Variants in PDGFRL observed in about 807,000 individuals in gnomAD.
PDGFRL encodes the protein platelet-derived growth factor receptor-like protein.
A neutral mutation model predicts 37.2 loss-of-function variants in PDGFRL; 46 were observed. That is an observed-to-expected ratio of 1.24 (90% CI 0.98 to 1.58). The LOEUF is 1.58. Among genes scored for constraint, PDGFRL ranks in the 40% most tolerant of loss-of-function variants. The pLI is 0.00. For missense variants in PDGFRL, 692 were observed against 467.6 expected, an observed-to-expected ratio of 1.48 and a Z score of -4.43; for synonymous variants, 251 against 184.3, an observed-to-expected ratio of 1.36 and a Z score of -2.93.
chr8:17,629,899 T>A (rs781237614), intron 4 of PDGFRL, among the ~76,000 whole-genome samples: 1 of 152,234 alleles, frequency 6.6e-6, no homozygotes, highest in South Asian at 2.1e-4. Context: ...CTTGAGGGCT[T>A]TCTGCCCTCC....
At position 17,642,509 on chromosome 8, in the gene PDGFRL, G is replaced by A. The variant is rs1002026924; in HGVS notation, c.940-104G>A. ...ATACTAAACAGTCTTTTATAAGCAT[G>A]TGCTTTGCTCTCTGAAAGGAACGCT... On this transcript the variant is annotated intron_variant, in intron 5 of 5. Coordinates refer to ENST00000251630, the MANE Select transcript of PDGFRL (RefSeq NM_001372073.1). The A allele has an allele frequency of 7.0e-6, 5 of 712,922 alleles. No homozygotes were observed. The Admixed American group carries it at 1.2e-4, about 18-fold the overall frequency. 44.2% of individuals were successfully genotyped at this position (712,922 alleles called of 1,614,324 possible).
At position 17,642,661 on chromosome 8, in the gene PDGFRL, G is replaced by A; in HGVS notation, c.988G>A (p.Gly330Arg). 1 of 1,609,282 alleles carries A rather than the reference G, an allele frequency of 6.2e-7. No individual in the cohort carries two copies. Among genetic ancestry groups the A allele is most frequent in the Middle Eastern group, 1.7e-4 (1 of 6,056 alleles). ...AGACACTTGGAGGTTGATCCACAGA[G>A]GACTGGGACACACCACGAGAATCTC... ...IQDTWRLIHR[G>R]LGHTTRISQS... is the part of the protein sequence containing the mutation. The change falls in exon 6 of 6, where the codon GGA becomes AGA. Residue 330 changes from glycine to arginine, a missense_variant. Gly to Arg is a moderately radical substitution (Grantham distance 125). Transcript: ENST00000251630.
At chr8:17,621,007 G>C in intron 2 of PDGFRL, 44 bp from the exon 3 acceptor site, 1 of 1,518,578 alleles carries the variant, frequency 6.6e-7, no homozygotes, top group South Asian at 1.3e-5. Flanking sequence ...GAGGGCCCCA[G>C]CCAGGTCTGA....
chr8:17,580,805 G>A (rs1038414854), intron 1 of PDGFRL, among the ~76,000 whole-genome samples: 3 of 152,054 alleles, frequency 2.0e-5, no homozygotes, highest in Non-Finnish European at 2.9e-5. Flanking sequence ...TCTAAGATGC[G>A]GGTAGAATCC....
intron 2 of PDGFRL, among the ~76,000 whole-genome samples, chr8:17,601,546 G>C (rs1443043577): frequency 6.6e-6 from 1 of 152,016 alleles, no homozygotes; most frequent in Admixed American, 6.6e-5. Context: ...CGAGGGTTTG[G>C]TGTAGATTAT....
intron 1 of PDGFRL, among the ~76,000 whole-genome samples, chr8:17,583,854 G>A (rs972438160): frequency 6.6e-6 from 1 of 152,132 alleles, no homozygotes; most frequent in African/African-American, 2.4e-5. Context: ...TCCTTCACCT[G>A]TGCCACCAGT....
chr8:17,625,079 T>A (rs1430936716), intron 3 of PDGFRL, among the ~76,000 whole-genome samples: 2 of 151,928 alleles, frequency 1.3e-5, no homozygotes, highest in Non-Finnish European at 2.9e-5. Flanking sequence ...CATGCTGGTG[T>A]GCTGCACCCA....
At chr8:17,624,577 G>C (rs1452911131) in intron 3 of PDGFRL, among the ~76,000 whole-genome samples, 5 of 152,138 alleles carry the variant, frequency 3.3e-5, no homozygotes, top group African/African-American at 1.2e-4. Flanking sequence ...AAAAGGCTGA[G>C]GCTCTAATTT....
intron 2 of PDGFRL, among the ~76,000 whole-genome samples, chr8:17,606,350 C>T (rs1430814776): frequency 3.9e-5 from 6 of 152,064 alleles, no homozygotes; most frequent in African/African-American, 1.2e-4. Flanking sequence ...ATTTTATTTT[C>T]TGAGCAGAAC....
At chr8:17,594,978 T>A (rs1423931170) in intron 2 of PDGFRL, among the ~76,000 whole-genome samples, 2 of 147,842 alleles carry the variant, frequency 1.4e-5, no homozygotes, top group African/African-American at 2.5e-5. Flanking sequence ...TTTGGATGTA[T>A]ACCCGCAAGT....
intron 3 of PDGFRL, among the ~76,000 whole-genome samples, chr8:17,625,473 T>C (rs2129785424): frequency 6.6e-6 from 1 of 150,512 alleles, no homozygotes; most frequent in East Asian, 2.0e-4. Flanking sequence ...TAATCTAAAA[T>C]CCCATGTGTT....
intron 3 of PDGFRL, among the ~76,000 whole-genome samples, chr8:17,627,618 C>T (rs1804758821): frequency 6.6e-6 from 1 of 150,914 alleles, no homozygotes; most frequent in East Asian, 2.0e-4. Flanking sequence ...TACAGGCGCG[C>T]ACCACCACAC....
At chr8:17,632,292 TC>T (rs1804878554) in intron 4 of PDGFRL, among the ~76,000 whole-genome samples, 1 of 152,120 alleles carries the variant, frequency 6.6e-6, no homozygotes, top group African/African-American at 2.4e-5. Flanking sequence ...CCTTCTCATT[TC>T]CCCTATGTCC....
At chr8:17,602,690 T>G (rs561320574) in intron 2 of PDGFRL, among the ~76,000 whole-genome samples, 1 of 152,176 alleles carries the variant, frequency 6.6e-6, no homozygotes, top group Non-Finnish European at 1.5e-5. Context: ...AAAGGAGAGC[T>G]CTGTTGGAAG....
At chr8:17,606,396 T>A (rs150724938) in intron 2 of PDGFRL, among the ~76,000 whole-genome samples, 4 of 152,286 alleles carry the variant, frequency 2.6e-5, no homozygotes, top group African/African-American at 9.6e-5. Flanking sequence ...TTGCCTTCAT[T>A]CTTATCTGGA....
intron 1 of PDGFRL, among the ~76,000 whole-genome samples, chr8:17,577,631 C>G (rs1012415418): frequency 6.6e-6 from 1 of 151,472 alleles, no homozygotes; most frequent in Non-Finnish European, 1.5e-5. Context: ...GTCAACGTGT[C>G]GGTCTGGGAG....
rs2246505 is a variant in PDGFRL, at chr8:17,596,284, C to G, written c.353+6519C>G. The stretch of plus-strand genomic sequence containing the variant: ...ACCTCAGTTCCTGTAAAATGGCCCA[C>G]TGGCCAGATCGGCTGCCAGGCTGCT... On this transcript the variant is annotated intron_variant, in intron 2 of 5. Transcript: ENST00000251630. 4 of 1,067,694 alleles carry G rather than the reference C, an allele frequency of 3.7e-6. No homozygotes were observed. The African/African-American group carries it at 4.8e-5, about 13-fold the overall frequency. The allele number at this position is 1,067,694 out of a possible 1,614,324, so 66.1% of individuals were successfully genotyped here.
chr8:17,588,981 T>A (rs1250882850), intron 1 of PDGFRL, among the ~76,000 whole-genome samples: 1 of 152,160 alleles, frequency 6.6e-6, no homozygotes, highest in Non-Finnish European at 1.5e-5. Context: ...TTTTTTAATG[T>A]TTTAAAATTA....
chr8:17,610,028 T>G (rs941200415), intron 2 of PDGFRL, among the ~76,000 whole-genome samples: 1 of 152,176 alleles, frequency 6.6e-6, no homozygotes, highest in African/African-American at 2.4e-5. Flanking sequence ...TGCAAATGGG[T>G]CCAGGCCCCA....
Sources: allele counts gnomAD v4.1 joint callset (sites outside exome capture counted in the v4.1 genomes callset), GRCh38; gene constraint gnomAD v4.1.1; transcripts MANE v1.5; gene names NCBI Gene and HGNC (gene_info 2026-07-23, HGNC 2026-07-21).